TNFSF11: variants seen among roughly 807,000 people sequenced by gnomAD.
The protein encoded by TNFSF11 is TNF superfamily member 11.
Under a neutral mutation model 32.2 loss-of-function variants are expected in TNFSF11, and 12 were observed. The ratio of observed to expected loss-of-function variants is 0.37; its 90% CI spans 0.24 to 0.60. The LOEUF is 0.60. Among genes scored for constraint, TNFSF11 ranks in the 20% least tolerant of loss-of-function variants. The pLI is 0.66. For missense variants in TNFSF11, 345 were observed against 398.0 expected (o/e 0.87, Z 1.13); for synonymous variants, 172 against 152.1 (o/e 1.13, Z -0.96).
At chr13:42,575,749 A>C (rs552526211) in intron 1 of TNFSF11, among the ~76,000 whole-genome samples, 1 of 152,350 alleles carries the variant, frequency 6.6e-6, no homozygotes, top group East Asian at 1.9e-4. Context: ...TCTGCATTAA[A>C]TATAATCTAC....
chr13:42,597,056 T>C (rs1005679529), intron 2 of TNFSF11, among the ~76,000 whole-genome samples: 1 of 152,238 alleles, frequency 6.6e-6, no homozygotes, highest in African/African-American at 2.4e-5. Flanking sequence ...AAAAGTCTAG[T>C]CTTAGAAGAA....
intron 2 of TNFSF11, among the ~76,000 whole-genome samples, chr13:42,592,109 G>C (rs1267012352): frequency 6.6e-6 from 1 of 152,114 alleles, no homozygotes; most frequent in Non-Finnish European, 1.5e-5. Flanking sequence ...CAAATATGTG[G>C]CGTTTGCCCT....
At chr13:42,574,014 T>C (rs1005370694), upstream of TNFSF11, 4 of 475,036 alleles carry the variant, frequency 8.4e-6, no homozygotes, top group South Asian at 6.7e-5. Context: ...GTGACAGAGA[T>C]TGAGAGAGAG....
chr13:42,569,573 A>G (rs1872988473), upstream of TNFSF11, among the ~76,000 whole-genome samples: 1 of 151,592 alleles, frequency 6.6e-6, no homozygotes, highest in Non-Finnish European at 1.5e-5. Flanking sequence ...AAAAGAAAAG[A>G]AAAGAAAAGA....
chr13:42,564,589 T>C (rs976704407), intron 1 of TNFSF11, among the ~76,000 whole-genome samples: 4 of 152,146 alleles, frequency 2.6e-5, no homozygotes, highest in Admixed American at 1.3e-4. Flanking sequence ...AAAATTCTTG[T>C]CTACTATTTC....
rs764212624 is a variant in TNFSF11, at chr13:42,574,542, G to T, written c.219+20G>T. 2 of 1,602,054 alleles carry T rather than the reference G, an allele frequency of 1.2e-6. No individual in the cohort carries two copies. Among genetic ancestry groups the T allele is most frequent in the Non-Finnish European group, 1.7e-6 (2 of 1,178,730 alleles). On this transcript the variant is annotated intron_variant, in intron 1 of 4. Transcript: ENST00000398795. ...GCGCAGGTGAGTGGCCACCTTCCCA[G>T]GGGATCGCGGCTGAGAGCGCCCATC...
chr13:42,576,888 TGCCTAGGGGTTCAC>T (rs1873344012), intron 1 of TNFSF11, among the ~76,000 whole-genome samples: 1 of 152,254 alleles, frequency 6.6e-6, no homozygotes, highest in Admixed American at 6.5e-5. Flanking sequence ...CGCTGATGCG[TGCCTAGGGGTTCAC>T]TCTGTAATTC....
At chr13:42,597,994 G>A (rs568050552) in intron 2 of TNFSF11, among the ~76,000 whole-genome samples, 118 of 152,000 alleles carry the variant, frequency 7.8e-4, no homozygotes, top group Non-Finnish European at 1.1e-3. Flanking sequence ...GGTGGATGTC[G>A]CCACACCCAG....
intron 2 of TNFSF11, among the ~76,000 whole-genome samples, chr13:42,599,031 G>A (rs1868979626): frequency 6.6e-6 from 1 of 152,120 alleles, no homozygotes; most frequent in Admixed American, 6.5e-5. Context: ...CCCTGCACAC[G>A]GCACTCCCAG....
In TNFSF11 at chr13:42,598,774, A is replaced by G. The variant is rs141845029; in HGVS notation, c.388-1978A>G. ...AGCAGCTTAATAATGAAATTTTCCTATAGCCTTAAGGGAGAAAATAAAAAC... is the reference window on the plus strand; with the variant it reads ...AGCAGCTTAATAATGAAATTTTCCTGTAGCCTTAAGGGAGAAAATAAAAAC... On this transcript the variant is annotated intron_variant, in intron 2 of 4. Coordinates refer to ENST00000398795, the MANE Select transcript of TNFSF11 (RefSeq NM_003701.4). Among the ~76,000 whole-genome samples the G allele has an allele frequency of 1.2e-3, 178 of 152,356 alleles. 1 individual carries two copies. The highest frequency in any genetic ancestry group is 2.4e-3 in the African/African-American group (101 of 41,582).
chr13:42,571,936 A>AT, upstream of TNFSF11, among the ~76,000 whole-genome samples: 1 of 152,332 alleles, frequency 6.6e-6, no homozygotes. Flanking sequence ...AGCAGGCAAC[A>AT]TTTTTAGGAA....
At position 42,564,386 on chromosome 13, in the gene TNFSF11, G is replaced by A. The variant is rs541292991; in HGVS notation, c.-302+1423G>A. Among the ~76,000 whole-genome samples the A allele has an allele frequency of 4.3e-4, 66 of 152,198 alleles. No individual in the cohort carries two copies. The South Asian group carries it at 6.7e-3, about 15-fold the overall frequency. ...AGTTCGAGACCAGCCTGACCAATACGGAGAAACCTCGTCTCTACTAAAAAC... is the reference window on the plus strand; with the variant it reads ...AGTTCGAGACCAGCCTGACCAATACAGAGAAACCTCGTCTCTACTAAAAAC... On this transcript the variant is annotated intron_variant, in intron 1 of 6. Transcript: ENST00000358545.
At chr13:42,588,076 T>C (rs1417560046) in intron 2 of TNFSF11, among the ~76,000 whole-genome samples, 1 of 152,242 alleles carries the variant, frequency 6.6e-6, no homozygotes, top group Non-Finnish European at 1.5e-5. Context: ...AGTCACGATG[T>C]TAGTCATGTA....
At chr13:42,594,614 T>G (rs1230900487) in intron 2 of TNFSF11, among the ~76,000 whole-genome samples, 3 of 152,240 alleles carry the variant, frequency 2.0e-5, no homozygotes, top group African/African-American at 7.2e-5. Context: ...GTGTTTATAC[T>G]TATTCTTACA....
intron 2 of TNFSF11, among the ~76,000 whole-genome samples, chr13:42,599,349 C>CTATTATCTATCTATCTATCT (rs11385072): frequency 8.9e-6 from 1 of 112,186 alleles, no homozygotes; most frequent in African/African-American, 3.5e-5. Context: ...ATCTATCTAT[C>CTATTATCTATCTATCTATCT]ATCTATCTAT....
chr13:42,574,269 G>C lies in TNFSF11; in HGVS notation c.-35G>C. On this transcript the variant is annotated 5_prime_UTR_variant, in exon 1 of 5. Coordinates refer to ENST00000398795, the MANE Select transcript of TNFSF11 (RefSeq NM_003701.4). ...GACAAGAAGGGGAGGGAGCGGGAGAGGGAGGAGAGCTCCGAAGCGAGAGGG... is the reference window on the plus strand; with the variant it reads ...GACAAGAAGGGGAGGGAGCGGGAGACGGAGGAGAGCTCCGAAGCGAGAGGG... 1 of 1,544,508 alleles carries C rather than the reference G, an allele frequency of 6.5e-7. No individual in the cohort carries two copies. The highest frequency in any genetic ancestry group is 8.7e-7 in the Non-Finnish European group (1 of 1,144,542).
upstream of TNFSF11, among the ~76,000 whole-genome samples, chr13:42,573,847 T>C (rs938790327): frequency 2.0e-5 from 3 of 152,124 alleles, no homozygotes; most frequent in Non-Finnish European, 2.9e-5. Context: ...ATGTCTGAGG[T>C]GCAATCCTTA....
At chr13:42,599,422 A>G (rs755926986) in intron 2 of TNFSF11, among the ~76,000 whole-genome samples, 1 of 151,704 alleles carries the variant, frequency 6.6e-6, no homozygotes, top group Admixed American at 6.6e-5. Context: ...ACACTTAAAG[A>G]ACTTAAGCTG....
chr13:42,592,644 C>T (rs542865131), intron 2 of TNFSF11, among the ~76,000 whole-genome samples: 28 of 152,268 alleles, frequency 1.8e-4, no homozygotes, highest in Non-Finnish European at 3.1e-4. Context: ...TGATGTCAAC[C>T]GGGAGGTCAG....
Sources: gnomAD v4.1 joint callset for allele counts (sites outside exome capture counted in the v4.1 genomes callset) on GRCh38, gnomAD v4.1.1 for gene constraint, MANE v1.5 for transcripts, NCBI Gene and HGNC (gene_info 2026-07-23, HGNC 2026-07-21) for gene names.